The following DLGAP1 variants were observed in gnomAD, a reference collection of about 807,000 sequenced individuals.
DLGAP1 encodes disks large-associated protein 1.
DLGAP1 carries 11 observed loss-of-function variants against 90.8 expected under a neutral mutation model. The observed-to-expected ratio is 0.12, with a 90% CI of 0.08 to 0.20. The LOEUF (loss-of-function observed/expected upper bound fraction) is 0.20. Among genes scored for constraint, DLGAP1 ranks in the 10% least tolerant of loss-of-function variants. DLGAP1 has a pLI of 1.00. For missense variants in DLGAP1, 1,050 were observed against 1,333.8 expected, an observed-to-expected ratio of 0.79 and a Z score of 3.31; for synonymous variants, 558 against 540.7, an observed-to-expected ratio of 1.03 and a Z score of -0.44.
chr18:3,855,906 T>C (rs73374526), intron 4 of DLGAP1, among the ~76,000 whole-genome samples: 40,788 of 152,122 alleles, frequency 0.27, 5,619 homozygotes, highest in South Asian at 0.35. Context: ...CCACCACGCC[T>C]GGCCAAAAAA....
At chr18:3,822,620 T>C (rs937864982) in intron 4 of DLGAP1, among the ~76,000 whole-genome samples, 2 of 152,188 alleles carry the variant, frequency 1.3e-5, no homozygotes, top group African/African-American at 4.8e-5. Context: ...ATAAATCCCC[T>C]TTCCTGGTGA....
chr18:4,252,988 C>A (rs2078814479), intron 1 of DLGAP1, among the ~76,000 whole-genome samples: 1 of 152,208 alleles, frequency 6.6e-6, no homozygotes, highest in Admixed American at 6.5e-5. Context: ...AGATTTTTAT[C>A]TACAGGCCCA....
intron 5 of DLGAP1, among the ~76,000 whole-genome samples, chr18:3,801,947 G>A (rs748502478): frequency 4.7e-5 from 7 of 149,738 alleles, no homozygotes; most frequent in Non-Finnish European, 4.4e-5. Flanking sequence ...TTGACTCCAC[G>A]CCACGCAGGC....
rs1044657198 is a variant in DLGAP1 at position 3,861,779 on chromosome 18, T to A, written c.957+17333A>T. 7.4e-4 allele frequency among the ~76,000 whole-genome samples: 112 copies of A among 152,222 alleles called. 1 individual carries two copies. The highest frequency in any genetic ancestry group is 2.6e-3 in the African/African-American group (107 of 41,468). ...AGTGACAACCCTGCTGATGTTCCAA[T>A]CCTAAACATTATCTTCCTCTGACAG... On this transcript the variant is annotated intron_variant, in intron 4 of 12. Coordinates refer to ENST00000315677, the MANE Select transcript of DLGAP1 (RefSeq NM_004746.4).
chr18:4,266,953 C>T (rs62086531), intron 1 of DLGAP1, among the ~76,000 whole-genome samples: 3,149 of 152,152 alleles, frequency 0.021, 38 homozygotes, highest in East Asian at 0.042. Context: ...GATATCCATA[C>T]ACTCATCTCA....
rs2082162129 is a variant in DLGAP1, at chr18:4,383,057, T to C, written c.-267+71949A>G. ...CTTTCCATTACATTATCTTGCCTAA[T>C]AGAGGTCAAATGACTGATCTGCCTG... On this transcript the variant is annotated intron_variant, in intron 1 of 12. Coordinates refer to ENST00000315677, the MANE Select transcript of DLGAP1 (RefSeq NM_004746.4). The surrounding 1 kb of genome is among the most constrained non-coding windows in gnomAD (Gnocchi z 4.0). Among the ~76,000 whole-genome samples the C allele has an allele frequency of 6.6e-6, 1 of 152,118 alleles. No homozygotes were observed. Among genetic ancestry groups the C allele is most frequent in the African/African-American group, 2.4e-5 (1 of 41,422 alleles).
At chr18:4,341,377 A>G (rs1169226118) in intron 1 of DLGAP1, among the ~76,000 whole-genome samples, 1 of 152,172 alleles carries the variant, frequency 6.6e-6, no homozygotes, top group East Asian at 1.9e-4. Flanking sequence ...AATTAATAAA[A>G]CAAGACAATT....
At chr18:3,818,837 GCCTGCCTCGGCCTCCC>G (rs1357582081) in intron 4 of DLGAP1, among the ~76,000 whole-genome samples, 2 of 151,286 alleles carry the variant, frequency 1.3e-5, no homozygotes, top group Non-Finnish European at 2.9e-5. Flanking sequence ...CTCATGATCT[GCCTGCCTCGGCCTCCC>G]AAAGTGCTGG....
chr18:3,789,512 T>C (rs2065623524), intron 5 of DLGAP1, among the ~76,000 whole-genome samples: 2 of 151,242 alleles, frequency 1.3e-5, no homozygotes, highest in African/African-American at 2.5e-5. Flanking sequence ...AGAGACTATA[T>C]TGGATAAGAA....
intron 7 of DLGAP1, chr18:3,708,547 C>T: frequency 2.2e-6 from 1 of 456,588 alleles, no homozygotes; most frequent in South Asian, 1.5e-5. Flanking sequence ...CGTTTCCTGC[C>T]TCTTCCTCTC....
At chr18:4,439,911 G>A (rs924697872) in intron 1 of DLGAP1, among the ~76,000 whole-genome samples, 1 of 151,958 alleles carries the variant, frequency 6.6e-6, no homozygotes, top group African/African-American at 2.4e-5. Flanking sequence ...AAGGTCAGGA[G>A]ATCGAGACCA....
At chr18:3,859,144 T>C (rs2148725307) in intron 4 of DLGAP1, among the ~76,000 whole-genome samples, 1 of 152,310 alleles carries the variant, frequency 6.6e-6, no homozygotes, top group African/African-American at 2.4e-5. Context: ...CAAATAGTGA[T>C]TTGAATGGAC....
chr18:4,228,340 A>G (rs2145032099), intron 1 of DLGAP1, among the ~76,000 whole-genome samples: 1 of 152,200 alleles, frequency 6.6e-6, no homozygotes, highest in East Asian at 1.9e-4. Context: ...ACCTCATTCT[A>G]TGAGATCAGT....
At chr18:3,843,774 T>C (rs1376722592) in intron 4 of DLGAP1, among the ~76,000 whole-genome samples, 1 of 152,200 alleles carries the variant, frequency 6.6e-6, no homozygotes, top group Non-Finnish European at 1.5e-5. Context: ...AACATATGTC[T>C]GTCTTATTGT....
At chr18:3,571,784 C>G (rs1045454128) in intron 8 of DLGAP1, among the ~76,000 whole-genome samples, 1 of 152,194 alleles carries the variant, frequency 6.6e-6, no homozygotes, top group Non-Finnish European at 1.5e-5. Flanking sequence ...CCTCGGCCTC[C>G]CAAAGTGCTG....
At chr18:4,169,602 T>A (rs1051062516) in intron 1 of DLGAP1, among the ~76,000 whole-genome samples, 1 of 152,182 alleles carries the variant, frequency 6.6e-6, no homozygotes, top group African/African-American at 2.4e-5. Flanking sequence ...TCAACCATCA[T>A]AGGAAAGTTT....
intron 1 of DLGAP1, among the ~76,000 whole-genome samples, chr18:4,441,457 T>G (rs1404582178): frequency 6.6e-6 from 1 of 152,174 alleles, no homozygotes; most frequent in African/African-American, 2.4e-5. Flanking sequence ...GCCTGCATCC[T>G]GGAAGAACTC....
At chr18:4,206,640 G>C (rs539647114) in intron 1 of DLGAP1, among the ~76,000 whole-genome samples, 1 of 152,322 alleles carries the variant, frequency 6.6e-6, no homozygotes, top group African/African-American at 2.4e-5. Flanking sequence ...GCATACGACA[G>C]TTAAAAGCCA....
chr18:4,123,205 G>T (rs2076180382), intron 2 of DLGAP1, among the ~76,000 whole-genome samples: 1 of 152,162 alleles, frequency 6.6e-6, no homozygotes, highest in Non-Finnish European at 1.5e-5. Flanking sequence ...TGGGAAGGAG[G>T]GGTGGAGTCA....
Sources: allele counts gnomAD v4.1 joint callset (sites outside exome capture counted in the v4.1 genomes callset), GRCh38; gene constraint gnomAD v4.1.1; non-coding constraint Gnocchi (gnomAD v3.1); transcripts MANE v1.5; gene names NCBI Gene and HGNC (gene_info 2026-07-23, HGNC 2026-07-21).